KIF6: variants seen among roughly 807,000 people sequenced by gnomAD.
The protein encoded by KIF6 is kinesin-like protein KIF6.
Under a neutral mutation model 112.7 loss-of-function variants are expected in KIF6, and 106 were observed. The observed-to-expected ratio is 0.94, with a 90% CI of 0.80 to 1.11. The LOEUF (loss-of-function observed/expected upper bound fraction) is 1.11. Ranked by LOEUF, KIF6 falls within the 50% of genes least tolerant of loss-of-function variation. The pLI, the probability that KIF6 is intolerant of heterozygous loss-of-function variation, is 0.00. For missense variants in KIF6, 929 were observed against 964.0 expected (o/e 0.96, Z 0.48); for synonymous variants, 339 against 339.9 (o/e 1.00, Z 0.03).
intron 19 of KIF6, among the ~76,000 whole-genome samples, chr6:39,349,600 G>C (rs1487204662): frequency 6.7e-6 from 1 of 149,222 alleles, no homozygotes; most frequent in Non-Finnish European, 1.5e-5. Flanking sequence ...ACTTGCCATG[G>C]AGTGTGAAGG....
chr6:39,393,413 T>G (rs1251105016), intron 15 of KIF6, among the ~76,000 whole-genome samples: 2 of 152,240 alleles, frequency 1.3e-5, no homozygotes, highest in African/African-American at 4.8e-5. Flanking sequence ...GCATTTGTGC[T>G]GTGACAACTG....
At chr6:39,620,655 T>C (rs974409594) in intron 5 of KIF6, among the ~76,000 whole-genome samples, 1 of 152,188 alleles carries the variant, frequency 6.6e-6, no homozygotes, top group Non-Finnish European at 1.5e-5. Flanking sequence ...GGTATGTTAA[T>C]ATATTGCCTT....
intron 3 of KIF6, among the ~76,000 whole-genome samples, chr6:39,687,190 T>C (rs1010158107): frequency 1.3e-5 from 2 of 152,048 alleles, no homozygotes; most frequent in African/African-American, 4.8e-5. Context: ...GAACAATGAA[T>C]ACTGAGTGGT....
At position 39,663,267 on chromosome 6, in the gene KIF6, T is replaced by C. The variant is rs146412712; in HGVS notation, c.252-23510A>G. Among the ~76,000 whole-genome samples the C allele has an allele frequency of 1.8e-3, 268 of 152,274 alleles. 2 individuals are homozygous for C. The highest frequency in any genetic ancestry group is 6.0e-3 in the African/African-American group (249 of 41,554). ...GGACTATTTGTAGATACAAGGAAAT[T>C]TAAATTTTGAAACAAGATTTCCAAG... On this transcript the variant is annotated intron_variant, in intron 3 of 22. Transcript: ENST00000287152.
intron 15 of KIF6, among the ~76,000 whole-genome samples, chr6:39,394,271 A>C (rs1194203202): frequency 6.6e-6 from 1 of 152,230 alleles, no homozygotes; most frequent in Admixed American, 6.5e-5. Flanking sequence ...TATTTATAAA[A>C]AGAAATAAAA....
intron 2 of KIF6, among the ~76,000 whole-genome samples, chr6:39,719,275 C>T (rs941590824): frequency 4.6e-5 from 7 of 151,844 alleles, no homozygotes; most frequent in South Asian, 2.1e-4. Flanking sequence ...GCCAAGACTG[C>T]GCCATTGCAC....
intron 19 of KIF6, among the ~76,000 whole-genome samples, chr6:39,351,878 TTG>T (rs1764270042): frequency 6.6e-6 from 1 of 152,120 alleles, no homozygotes; most frequent in Non-Finnish European, 1.5e-5. Context: ...ATCCTCCTCG[TTG>T]TGTTTTTCAG....
At chr6:39,707,310 G>A (rs1001646874) in intron 3 of KIF6, among the ~76,000 whole-genome samples, 2 of 152,172 alleles carry the variant, frequency 1.3e-5, no homozygotes, top group Admixed American at 1.3e-4. Flanking sequence ...CATGGTATCT[G>A]GACGGAGTAA....
At chr6:39,543,788 A>G (rs1281119451) in intron 12 of KIF6, among the ~76,000 whole-genome samples, 2 of 152,106 alleles carry the variant, frequency 1.3e-5, no homozygotes, top group African/African-American at 2.4e-5. Context: ...GTTCCACCCA[A>G]CCCCACAGGG....
intron 3 of KIF6, among the ~76,000 whole-genome samples, chr6:39,648,735 C>A (rs749924405): frequency 5.3e-5 from 8 of 152,146 alleles, no homozygotes; most frequent in Non-Finnish European, 2.9e-5. Context: ...ATGCGAATGC[C>A]GGTGCCCCCT....
chr6:39,632,182 G>GA (rs5875674), intron 5 of KIF6, among the ~76,000 whole-genome samples: 14 of 150,378 alleles, frequency 9.3e-5, no homozygotes, highest in Admixed American at 6.0e-4. Context: ...TAATGTAAAA[G>GA]AAAAAAAAAA....
At chr6:39,418,938 C>A (rs1413730952) in intron 15 of KIF6, among the ~76,000 whole-genome samples, 1 of 152,124 alleles carries the variant, frequency 6.6e-6, no homozygotes, top group East Asian at 1.9e-4. Context: ...GTAACTGCTG[C>A]CTTCTCCAGC....
At chr6:39,656,877 T>C (rs1028784777) in intron 3 of KIF6, among the ~76,000 whole-genome samples, 5 of 152,188 alleles carry the variant, frequency 3.3e-5, no homozygotes. Flanking sequence ...GCTCTTCTTC[T>C]ATGTCCCTCT....
intron 15 of KIF6, among the ~76,000 whole-genome samples, chr6:39,392,762 A>G (rs1383526603): frequency 2.6e-5 from 4 of 152,226 alleles, no homozygotes; most frequent in African/African-American, 9.6e-5. Context: ...AAAGCGGTTA[A>G]AAGTCACAGA....
Position 39,541,939 on chromosome 6 carries a change from TGAA to T in KIF6, c.1427-1721_1427-1719del, listed in dbSNP as rs199921977. ...ACAATGCACAGGACAGCTCCTGAGA[TGAA>T]GAATTATCCAGCCACAAATGTTGAT... is the stretch of plus-strand genomic sequence containing the variant. On this transcript the variant is annotated intron_variant, in intron 12 of 22. Coordinates refer to ENST00000287152, the MANE Select transcript of KIF6 (RefSeq NM_145027.6). Among the ~76,000 whole-genome samples, 256 of 152,258 alleles carry T rather than the reference TGAA, an allele frequency of 1.7e-3. 6 individuals are homozygous for T. The East Asian group carries it at 0.037, about 22-fold the overall frequency.
chr6:39,352,027 G>A (rs1764281236), intron 19 of KIF6, among the ~76,000 whole-genome samples: 1 of 152,238 alleles, frequency 6.6e-6, no homozygotes, highest in Non-Finnish European at 1.5e-5. Flanking sequence ...AGTGGGCCAG[G>A]TGCAGGGCAC....
chr6:39,661,324 C>A (rs1251864773), intron 3 of KIF6, among the ~76,000 whole-genome samples: 1 of 152,076 alleles, frequency 6.6e-6, no homozygotes, highest in East Asian at 1.9e-4. Context: ...TTTTATTTAA[C>A]TGATTATAGA....
rs973030773 is a variant in KIF6 at position 39,334,884 on chromosome 6, G to A, written c.*1648C>T. 4.6e-5 allele frequency: 7 copies of A among 152,288 alleles called. No individual in the cohort carries two copies. The highest frequency in any genetic ancestry group is 1.7e-4 in the African/African-American group (7 of 41,546). 9.4% of individuals were successfully genotyped at this position (152,288 alleles called of 1,614,324 possible). On this transcript the variant is annotated 3_prime_UTR_variant, in exon 23 of 23. Transcript: ENST00000287152. ...CTCTGGTTCTACAGACTTTACAGAGGGCTTACTATGTTCCATTGAACTGTG... is the reference window on the plus strand; with the variant it reads ...CTCTGGTTCTACAGACTTTACAGAGAGCTTACTATGTTCCATTGAACTGTG...
At chr6:39,646,580 T>C (rs1372814354) in intron 3 of KIF6, among the ~76,000 whole-genome samples, 1 of 152,180 alleles carries the variant, frequency 6.6e-6, no homozygotes, top group African/African-American at 2.4e-5. Context: ...AGTTTAGCTT[T>C]AGAAAAATTA....
Sources: allele counts gnomAD v4.1 joint callset (sites outside exome capture counted in the v4.1 genomes callset), GRCh38; gene constraint gnomAD v4.1.1; transcripts MANE v1.5; gene names NCBI Gene and HGNC (gene_info 2026-07-23, HGNC 2026-07-21).